The following FSHR variants were observed in gnomAD, a reference collection of about 807,000 sequenced individuals.
FSHR encodes follicle stimulating hormone receptor.
A neutral mutation model predicts 52.1 loss-of-function variants in FSHR; 46 were observed. The observed-to-expected ratio is 0.88, with a 90% confidence interval of 0.70 to 1.13. The LOEUF is 1.13. Among genes scored for constraint, FSHR ranks in the 50% most tolerant of loss-of-function variants. The pLI is 0.00. For missense variants in FSHR, 964 were observed against 834.6 expected, an observed-to-expected ratio of 1.16 and a Z score of -1.91; for synonymous variants, 399 against 309.6, an observed-to-expected ratio of 1.29 and a Z score of -3.03.
intron 4 of FSHR, among the ~76,000 whole-genome samples, chr2:48,993,733 C>A (rs1443890687): frequency 6.6e-6 from 1 of 152,110 alleles, no homozygotes; most frequent in Non-Finnish European, 1.5e-5. Context: ...GCGTTTTAGC[C>A]CCTGTGGCTT....
intron 1 of FSHR, among the ~76,000 whole-genome samples, chr2:49,072,648 A>G (rs1669779673): frequency 6.6e-6 from 1 of 152,100 alleles, no homozygotes; most frequent in Non-Finnish European, 1.5e-5. Flanking sequence ...GGTAGACATT[A>G]TAATTTCATA....
At chr2:49,106,368 A>G (rs916292491) in intron 1 of FSHR, among the ~76,000 whole-genome samples, 21 of 152,202 alleles carry the variant, frequency 1.4e-4, no homozygotes, top group Admixed American at 1.4e-3. Flanking sequence ...AGAGAGAGAG[A>G]AAGAGAGCTC....
chr2:49,113,804 T>A (rs1401962048), intron 1 of FSHR, among the ~76,000 whole-genome samples: 14 of 152,030 alleles, frequency 9.2e-5, no homozygotes, highest in Admixed American at 8.5e-4. Context: ...GGTACATAGA[T>A]CCCCACAGAT....
At chr2:49,068,427 C>G (rs1416267593) in intron 1 of FSHR, 137 bp from the exon 2 acceptor site, 7 of 733,462 alleles carry the variant, frequency 9.5e-6, no homozygotes, top group South Asian at 5.8e-5. Context: ...CTTTTACATT[C>G]TCTCTTTTCA....
At chr2:49,080,016 A>G (rs958801170) in intron 1 of FSHR, among the ~76,000 whole-genome samples, 1 of 152,180 alleles carries the variant, frequency 6.6e-6, no homozygotes, top group Admixed American at 6.6e-5. Flanking sequence ...AATACAAACA[A>G]CCCAGTAGAA....
At chr2:49,091,246 A>T (rs1053623849) in intron 1 of FSHR, among the ~76,000 whole-genome samples, 1 of 151,750 alleles carries the variant, frequency 6.6e-6, no homozygotes, top group Non-Finnish European at 1.5e-5. Flanking sequence ...TTTATGTTTT[A>T]TATTTAGATT....
intron 1 of FSHR, among the ~76,000 whole-genome samples, chr2:49,102,722 T>A (rs1671079602): frequency 1.3e-5 from 2 of 152,192 alleles, no homozygotes; most frequent in Non-Finnish European, 2.9e-5. Context: ...TGATGTATAA[T>A]CTGGGATAGT....
chr2:48,969,225 A>G (rs1169911822), intron 8 of FSHR, among the ~76,000 whole-genome samples: 7 of 152,222 alleles, frequency 4.6e-5, no homozygotes, highest in Non-Finnish European at 2.9e-5. Context: ...GCTAATTTGC[A>G]TGGGACTAAG....
chr2:49,143,020 T>C (rs1177196679), intron 1 of FSHR, among the ~76,000 whole-genome samples: 1 of 152,210 alleles, frequency 6.6e-6, no homozygotes, highest in Non-Finnish European at 1.5e-5. Flanking sequence ...TTGAATATTA[T>C]ATGTCTTGGG....
At chr2:48,991,643 C>T (rs936247216) in intron 4 of FSHR, among the ~76,000 whole-genome samples, 7 of 152,152 alleles carry the variant, frequency 4.6e-5, no homozygotes, top group African/African-American at 1.7e-4. Flanking sequence ...CAGGTGTTGT[C>T]CAGTTGCACT....
chr2:49,102,701 G>A (rs145196385), intron 1 of FSHR, among the ~76,000 whole-genome samples: 41 of 152,236 alleles, frequency 2.7e-4, no homozygotes, highest in African/African-American at 9.4e-4. Context: ...CATGGACATT[G>A]AAATCTAGGA....
At chr2:49,008,567 G>C (rs1237301625) in intron 4 of FSHR, among the ~76,000 whole-genome samples, 1 of 150,754 alleles carries the variant, frequency 6.6e-6, no homozygotes, top group Non-Finnish European at 1.5e-5. Context: ...GGGTCAAATG[G>C]TATTTCCAGT....
At chr2:48,985,577 C>T (rs539640942) in intron 6 of FSHR, among the ~76,000 whole-genome samples, 24 of 151,988 alleles carry the variant, frequency 1.6e-4, no homozygotes, top group African/African-American at 5.5e-4. Context: ...GCTCACTTCT[C>T]TGATTCACTA....
At chr2:48,980,167 G>T (rs946148325) in intron 8 of FSHR, among the ~76,000 whole-genome samples, 1 of 152,184 alleles carries the variant, frequency 6.6e-6, no homozygotes, top group African/African-American at 2.4e-5. Context: ...GCCCCAGGGG[G>T]AAAAGAGGAA....
chr2:49,054,437 T>C (rs765829221), intron 2 of FSHR, among the ~76,000 whole-genome samples: 1 of 152,006 alleles, frequency 6.6e-6, no homozygotes, highest in Non-Finnish European at 1.5e-5. Flanking sequence ...CATCCAACCA[T>C]GTCCAAGGCC....
chr2:49,076,301 G>A (rs1362348513), intron 1 of FSHR, among the ~76,000 whole-genome samples: 1 of 152,220 alleles, frequency 6.6e-6, no homozygotes, highest in Non-Finnish European at 1.5e-5. Flanking sequence ...AATCATGACA[G>A]AAGGCGAGGA....
intron 1 of FSHR, among the ~76,000 whole-genome samples, chr2:49,131,074 G>A (rs1360737036): frequency 1.3e-5 from 2 of 152,116 alleles, no homozygotes; most frequent in Non-Finnish European, 2.9e-5. Flanking sequence ...AAAATTAGAT[G>A]AGCCATGTAT....
chr2:49,113,399 G>A (rs918347049), intron 1 of FSHR, among the ~76,000 whole-genome samples: 8 of 152,152 alleles, frequency 5.3e-5, no homozygotes, highest in African/African-American at 1.4e-4. Flanking sequence ...GATCCTTGGT[G>A]CAGGAATTTA....
Position 49,008,527 on chromosome 2 carries a change from C to G in FSHR, c.374+8962G>C, listed in dbSNP as rs1257433552. ...TTAATAGCAGCATGATTTATAGTCC[C>G]TTGGGTATATACCCAGTAATGGGAT... On this transcript the variant is annotated intron_variant, in intron 4 of 9. Transcript: ENST00000406846. Among the ~76,000 whole-genome samples the G allele has an allele frequency of 3.9e-5, 6 of 151,950 alleles. No homozygotes were observed. The East Asian group carries it at 9.7e-4, about 25-fold the overall frequency.
Sources: allele counts gnomAD v4.1 joint callset (sites outside exome capture counted in the v4.1 genomes callset), GRCh38; gene constraint gnomAD v4.1.1; transcripts MANE v1.5; gene names NCBI Gene and HGNC (gene_info 2026-07-23, HGNC 2026-07-21).